Variants in PRIM2 observed in about 807,000 individuals in gnomAD.
PRIM2 encodes the protein DNA primase large subunit.
PRIM2 carries 39 observed loss-of-function variants against 67.3 expected under a neutral mutation model. The ratio of observed to expected loss-of-function variants is 0.58; its 90% CI spans 0.45 to 0.76. PRIM2 has a LOEUF of 0.76. Among genes scored for constraint, PRIM2 ranks in the 30% least tolerant of loss-of-function variants. PRIM2 has a pLI of 0.00. For synonymous variants in PRIM2, 143 were observed against 198.7 expected (o/e 0.72, Z 2.36); for missense variants, 398 against 598.7 (o/e 0.66, Z 3.50).
chr6:57,387,163 T>C (rs949005117), intron 7 of PRIM2, among the ~76,000 whole-genome samples: 2 of 152,188 alleles, frequency 1.3e-5, no homozygotes, highest in Non-Finnish European at 2.9e-5. Context: ...ACGGTGAAAT[T>C]ATTCTCATTA....
At chr6:57,518,139 A>G (rs2096074910) in intron 8 of PRIM2, among the ~76,000 whole-genome samples, 1 of 152,210 alleles carries the variant, frequency 6.6e-6, no homozygotes, top group African/African-American at 2.4e-5. Context: ...AAGTAGTGCT[A>G]GAAAGGATAA....
intron 7 of PRIM2, among the ~76,000 whole-genome samples, chr6:57,468,530 C>T (rs1271749287): frequency 2.6e-4 from 39 of 152,238 alleles, no homozygotes; most frequent in Middle Eastern, 3.4e-3. Context: ...ATTCGGTTTG[C>T]CAGTATTTTA....
chr6:57,641,335 A>T (rs1777229295), intron 13 of PRIM2, among the ~76,000 whole-genome samples: 1 of 152,164 alleles, frequency 6.6e-6, no homozygotes, highest in African/African-American at 2.4e-5. Flanking sequence ...ATGGGCAAAG[A>T]CTTCATGACT....
At chr6:57,532,636 T>A (rs1401062494) in intron 9 of PRIM2, among the ~76,000 whole-genome samples, 153 bp downstream of exon 9, 10 of 152,196 alleles carry the variant, frequency 6.6e-5, no homozygotes, top group Non-Finnish European at 1.0e-4. Flanking sequence ...TAGATGATTT[T>A]AAAAAAAATC....
chr6:57,544,523 T>C (rs1285943196), intron 10 of PRIM2, among the ~76,000 whole-genome samples: 2 of 152,196 alleles, frequency 1.3e-5, no homozygotes, highest in South Asian at 2.1e-4. Flanking sequence ...TATGTAAAAA[T>C]TAGCCATCTG....
chr6:57,257,629 T>A, the PRIM2 span, among the ~76,000 whole-genome samples: 1 of 152,214 alleles, frequency 6.6e-6, no homozygotes, highest in Non-Finnish European at 1.5e-5. Flanking sequence ...AAACTACTCA[T>A]GGTAACCTGT....
chr6:57,433,390 T>TC (rs1170414831), intron 7 of PRIM2, among the ~76,000 whole-genome samples: 12 of 66,440 alleles, frequency 1.8e-4, no homozygotes, highest in Non-Finnish European at 2.9e-4. Flanking sequence ...CCCTCCCCCC[T>TC]CCCCCCATCC....
chr6:57,356,931 CTTTT>C (rs761605036), intron 5 of PRIM2, among the ~76,000 whole-genome samples: 1 of 120,790 alleles, frequency 8.3e-6, no homozygotes. Context: ...CCAATCCATT[CTTTT>C]TTTTTTTTTT....
At chr6:57,342,890 T>C (rs904612675) in intron 5 of PRIM2, among the ~76,000 whole-genome samples, 4 of 152,250 alleles carry the variant, frequency 2.6e-5, no homozygotes, top group African/African-American at 9.6e-5. Context: ...ATCCTGAGCC[T>C]GACATCTAAA....
intron 5 of PRIM2, 78 bp from the exon 6 acceptor site, chr6:57,379,823 A>C (rs1375728881): frequency 2.2e-6 from 3 of 1,362,032 alleles, no homozygotes; most frequent in Non-Finnish European, 2.9e-6. Context: ...AACAGTATTC[A>C]TTAAAACAGG....
chr6:57,621,148 A>T (rs1428191407), intron 12 of PRIM2, among the ~76,000 whole-genome samples: 1 of 152,220 alleles, frequency 6.6e-6, no homozygotes, highest in Non-Finnish European at 1.5e-5. Context: ...TTTATAAGTG[A>T]AAGAAATTTA....
chr6:57,331,937 C>G (rs934896595), intron 5 of PRIM2, among the ~76,000 whole-genome samples: 2 of 151,312 alleles, frequency 1.3e-5, no homozygotes, highest in African/African-American at 4.9e-5. Flanking sequence ...CTTCCTTCTG[C>G]TTGCTTTGGT....
At chr6:57,481,802 A>T (rs1236017633) in intron 7 of PRIM2, among the ~76,000 whole-genome samples, 19 of 152,172 alleles carry the variant, frequency 1.2e-4, no homozygotes, top group African/African-American at 4.3e-4. Context: ...ATAGGTGTCT[A>T]GTAGTATCTC....
At chr6:57,498,327 G>A in intron 7 of PRIM2, among the ~76,000 whole-genome samples, 1 of 151,778 alleles carries the variant, frequency 6.6e-6, no homozygotes, top group Non-Finnish European at 1.5e-5. Context: ...AAATGCAGTA[G>A]GAGCCATCTC....
intron 12 of PRIM2, among the ~76,000 whole-genome samples, chr6:57,610,681 A>G (rs1378951264): frequency 6.6e-6 from 1 of 152,150 alleles, no homozygotes; most frequent in African/African-American, 2.4e-5. Context: ...ATAAATATTT[A>G]TGCCCCAACA....
chr6:57,271,097 GT>G, the PRIM2 span, among the ~76,000 whole-genome samples: 1 of 151,932 alleles, frequency 6.6e-6, no homozygotes, highest in Non-Finnish European at 1.5e-5. Context: ...CTCTTTTTTT[GT>G]TTTGTCTCTG....
intron 5 of PRIM2, among the ~76,000 whole-genome samples, chr6:57,338,809 C>G (rs1768365323): frequency 7.1e-6 from 1 of 141,552 alleles, no homozygotes; most frequent in South Asian, 2.4e-4. Context: ...CAGGGATGCC[C>G]TCTCTCACCA....
At chr6:57,416,410 GC>G (rs371334268) in intron 7 of PRIM2, among the ~76,000 whole-genome samples, 5,013 of 152,190 alleles carry the variant, frequency 0.033, 272 homozygotes, top group African/African-American at 0.11. Context: ...CATTTCTAGA[GC>G]ACAAGCAGAG....
chr6:57,553,749 TAG>T (rs1775451737), intron 10 of PRIM2, among the ~76,000 whole-genome samples: 4 of 152,234 alleles, frequency 2.6e-5, no homozygotes, highest in African/African-American at 9.6e-5. Flanking sequence ...GTGTGGTCTT[TAG>T]AGTTTCAAGG....
Sources: gnomAD v4.1 joint callset for allele counts (sites outside exome capture counted in the v4.1 genomes callset) on GRCh38, gnomAD v4.1.1 for gene constraint, MANE v1.5 for transcripts, NCBI Gene and HGNC (gene_info 2026-07-23, HGNC 2026-07-21) for gene names.